The following CYB5A variants were observed in gnomAD, a reference collection of about 807,000 sequenced individuals.
The protein encoded by CYB5A is cytochrome b5.
In CYB5A, 10 loss-of-function variants were observed where a neutral mutation model predicts 16.2. That is an observed-to-expected ratio of 0.62 (90% confidence interval 0.38 to 1.04). The LOEUF is 1.04. Ranked by LOEUF, CYB5A falls within the 50% of genes least tolerant of loss-of-function variation. The pLI, the probability that CYB5A is intolerant of heterozygous loss-of-function variation, is 0.01. For missense variants in CYB5A, 161 were observed against 165.9 expected, an observed-to-expected ratio of 0.97 and a Z score of 0.16; for synonymous variants, 62 against 57.0, an observed-to-expected ratio of 1.09 and a Z score of -0.40.
rs972524585 is a variant in CYB5A, at chr18:74,252,529, T to C, written c.*1055A>G. On this transcript the variant is annotated 3_prime_UTR_variant, in exon 5 of 5. Coordinates refer to ENST00000340533, the MANE Select transcript of CYB5A (RefSeq NM_148923.4). ...AGAGTTTACAAACAATTCTACTCTCTGAATGAGGAATTCTTAAAACTTTAG... is the reference window on the plus strand; with the variant it reads ...AGAGTTTACAAACAATTCTACTCTCCGAATGAGGAATTCTTAAAACTTTAG... 1.3e-5 allele frequency: 2 copies of C among 152,226 alleles called. No individual in the cohort carries two copies. Among genetic ancestry groups the C allele is most frequent in the Non-Finnish European group, 2.9e-5 (2 of 68,040 alleles). 9.4% of individuals were successfully genotyped at this position (152,226 alleles called of 1,614,324 possible). A position where few individuals can be genotyped will look rare whatever the true frequency, so the allele number is the denominator to read the frequency against.
intron 4 of CYB5A, 73 bp from the exon 5 acceptor site, chr18:74,253,738 A>C: frequency 9.8e-7 from 1 of 1,023,420 alleles, no homozygotes; most frequent in Non-Finnish European, 1.5e-6. Flanking sequence ...TGCTCCTTCT[A>C]ACAGAAAATT....
In CYB5A at chr18:74,291,893, C is replaced by T; in HGVS notation, c.-18G>A. 1 of 1,609,904 alleles carries T rather than the reference C, an allele frequency of 6.2e-7. No individual in the cohort carries two copies. The highest frequency in any genetic ancestry group is 8.5e-7 in the Non-Finnish European group (1 of 1,179,840). ...TCTGCCATCTCGGTTCGCCGCGAGC[C>T]AGGCCCAGCACACACAGCCCCGTCG... On this transcript the variant is annotated 5_prime_UTR_variant, in exon 1 of 5. Transcript: ENST00000340533.
At chr18:74,290,014 T>A (rs1047662663) in intron 1 of CYB5A, among the ~76,000 whole-genome samples, 1 of 152,182 alleles carries the variant, frequency 6.6e-6, no homozygotes, top group Non-Finnish European at 1.5e-5. Flanking sequence ...ACTTCTTCTA[T>A]AAGCACAAAT....
At chr18:74,266,265 G>A (rs1440990039) in intron 1 of CYB5A, among the ~76,000 whole-genome samples, 2 of 152,174 alleles carry the variant, frequency 1.3e-5, no homozygotes, top group East Asian at 3.9e-4. Flanking sequence ...ACTGAGTAGA[G>A]AGAAGCCACA....
In CYB5A at chr18:74,263,331, C is replaced by T. The variant is rs1982288288; in HGVS notation, c.258+18G>A. On this transcript the variant is annotated intron_variant, in intron 2 of 4. Transcript: ENST00000340533. ...AGCCTTAAATACAAATAAGAAAGGG[C>T]CCCCAAAATGTACTTACTGGATGGA... The T allele has an allele frequency of 5.6e-6, 9 of 1,613,702 alleles. No individual in the cohort carries two copies. Among genetic ancestry groups the T allele is most frequent in the Non-Finnish European group, 7.6e-6 (9 of 1,179,770 alleles).
At chr18:74,254,586 C>A (rs186683795) in intron 4 of CYB5A, among the ~76,000 whole-genome samples, 42 of 151,232 alleles carry the variant, frequency 2.8e-4, no homozygotes, top group Admixed American at 2.7e-3. Flanking sequence ...GTGGCACGAT[C>A]TTGGCTCACT....
intron 1 of CYB5A, among the ~76,000 whole-genome samples, chr18:74,291,363 A>G (rs1395888760): frequency 6.6e-6 from 1 of 151,532 alleles, no homozygotes; most frequent in Non-Finnish European, 1.5e-5. Flanking sequence ...GTGCACGCGC[A>G]GGTGTACGGA....
chr18:74,280,638 T>C (rs887060618), intron 1 of CYB5A, among the ~76,000 whole-genome samples: 6 of 152,002 alleles, frequency 3.9e-5, no homozygotes, highest in East Asian at 1.9e-4. Flanking sequence ...TCTGAGTTAA[T>C]TGGCATAAGG....
chr18:74,251,973 A>G lies in CYB5A; in HGVS notation c.*1611T>C, dbSNP rs1328315799. The G allele has an allele frequency of 6.6e-6, 1 of 152,108 alleles. No homozygotes were observed. The highest frequency in any genetic ancestry group is 1.5e-5 in the Non-Finnish European group (1 of 68,044). The allele number at this position is 152,108 out of a possible 1,614,324, so 9.4% of individuals were successfully genotyped here. On this transcript the variant is annotated 3_prime_UTR_variant, in exon 5 of 5. Transcript: ENST00000340533. ...CGATTCACTTCATAGTTGATTTAGG[A>G]GCAATGTTTTAAAAACTACTAAAAT...
At chr18:74,291,597 G>T (rs1745891900) in intron 1 of CYB5A, 150 bp downstream of exon 1, 1 of 1,211,452 alleles carries the variant, frequency 8.3e-7, no homozygotes, top group Non-Finnish European at 1.2e-6. Flanking sequence ...TCGGAAGCGC[G>T]CCCAGGCGTA....
intron 1 of CYB5A, among the ~76,000 whole-genome samples, chr18:74,267,420 G>A (rs1406516070): frequency 6.6e-6 from 1 of 152,234 alleles, no homozygotes; most frequent in Non-Finnish European, 1.5e-5. Flanking sequence ...GCCTCACAAA[G>A]TGTTGGGATT....
At chr18:74,282,694 C>T (rs1185485489) in intron 1 of CYB5A, among the ~76,000 whole-genome samples, 1 of 152,188 alleles carries the variant, frequency 6.6e-6, no homozygotes, top group Non-Finnish European at 1.5e-5. Flanking sequence ...AAGGTAAAAA[C>T]AAGTTTGGCT....
At chr18:74,270,686 T>G (rs567844891) in intron 1 of CYB5A, among the ~76,000 whole-genome samples, 2 of 152,296 alleles carry the variant, frequency 1.3e-5, no homozygotes, top group African/African-American at 4.8e-5. Flanking sequence ...TATCTAACAT[T>G]TACATTAGGT....
At chr18:74,262,810 C>T (rs986360163) in intron 2 of CYB5A, among the ~76,000 whole-genome samples, 2 of 152,174 alleles carry the variant, frequency 1.3e-5, no homozygotes, top group Admixed American at 6.5e-5. Context: ...CTCCCCAGTG[C>T]ATGGCTGTGG....
intron 1 of CYB5A, among the ~76,000 whole-genome samples, chr18:74,286,815 T>A (rs1415448176): frequency 1.3e-5 from 2 of 152,224 alleles, no homozygotes; most frequent in Non-Finnish European, 2.9e-5. Flanking sequence ...TGTTATTTAT[T>A]CCTTGATTGA....
At chr18:74,277,616 T>C (rs1445804924) in intron 1 of CYB5A, among the ~76,000 whole-genome samples, 4 of 152,156 alleles carry the variant, frequency 2.6e-5, no homozygotes, top group African/African-American at 9.7e-5. Flanking sequence ...GAGCATCAGG[T>C]GCAGGAGTCA....
At chr18:74,264,534 T>C (rs1401532032) in intron 1 of CYB5A, among the ~76,000 whole-genome samples, 1 of 152,180 alleles carries the variant, frequency 6.6e-6, no homozygotes, top group Non-Finnish European at 1.5e-5. Context: ...GTGCCGGCAA[T>C]GCACGGGCAG....
At chr18:74,281,974 G>C (rs1790825) in intron 1 of CYB5A, among the ~76,000 whole-genome samples, 6,440 of 152,086 alleles carry the variant, frequency 0.042, 450 homozygotes, top group African/African-American at 0.15. Context: ...AAGGGGAACA[G>C]GATCTCAGGC....
At chr18:74,276,970 A>G (rs1435641263) in intron 1 of CYB5A, among the ~76,000 whole-genome samples, 2 of 152,264 alleles carry the variant, frequency 1.3e-5, no homozygotes, top group Non-Finnish European at 2.9e-5. Flanking sequence ...AAGTGACTGA[A>G]GTCCATCCAT....
Sources: allele counts gnomAD v4.1 joint callset (sites outside exome capture counted in the v4.1 genomes callset), GRCh38; gene constraint gnomAD v4.1.1; transcripts MANE v1.5; gene names NCBI Gene and HGNC (gene_info 2026-07-23, HGNC 2026-07-21).